The following SPMAP2L variants were observed in gnomAD, a reference collection of about 807,000 sequenced individuals.
SPMAP2L encodes the protein sperm microtubule associated protein 2 like.
the SPMAP2L span, among the ~76,000 whole-genome samples, chr4:56,556,725 T>C: frequency 5.3e-5 from 8 of 151,834 alleles, no homozygotes; most frequent in East Asian, 1.6e-3. Flanking sequence ...TACAAAAAAT[T>C]AGCCAGGCGT....
chr4:56,574,517 C>T, the SPMAP2L span, among the ~76,000 whole-genome samples: 13 of 152,150 alleles, frequency 8.5e-5, no homozygotes, highest in Non-Finnish European at 1.6e-4. Context: ...CTGTGCACAT[C>T]ATCAAGTAGA....
chr4:56,567,165 G>A, the SPMAP2L span, among the ~76,000 whole-genome samples: 148 of 151,888 alleles, frequency 9.7e-4, 3 homozygotes, highest in East Asian at 0.025. Context: ...TATATTTACC[G>A]GCATTCTTAC....
chr4:56,574,122 TAAG>T, the SPMAP2L span, among the ~76,000 whole-genome samples: 6 of 152,102 alleles, frequency 3.9e-5, no homozygotes, highest in African/African-American at 7.2e-5. Context: ...GCAGCGTTGT[TAAG>T]AAGAACAATG....
chr4:56,603,165 C>T, the SPMAP2L span: 1 of 1,365,226 alleles, frequency 7.3e-7, no homozygotes, highest in Non-Finnish European at 9.9e-7. Flanking sequence ...GCTACCTTCT[C>T]TGTTCATCTT....
At chr4:56,559,222 A>T in the SPMAP2L span, among the ~76,000 whole-genome samples, 1 of 150,426 alleles carries the variant, frequency 6.6e-6, no homozygotes, top group African/African-American at 2.4e-5. Flanking sequence ...AAGCACTTGA[A>T]TCCGGGAGGC....
chr4:56,599,937 C>A, the SPMAP2L span, among the ~76,000 whole-genome samples: 1 of 151,944 alleles, frequency 6.6e-6, no homozygotes, highest in African/African-American at 2.4e-5. Context: ...TAGAGAGATG[C>A]AAATCAAAAC....
the SPMAP2L span, chr4:56,530,877 A>G: frequency 6.5e-7 from 1 of 1,534,826 alleles, no homozygotes; most frequent in Non-Finnish European, 8.7e-7. Context: ...TCAGGGAGCA[A>G]GACCAGAGAG....
the SPMAP2L span, among the ~76,000 whole-genome samples, chr4:56,578,515 T>C: frequency 2.0e-5 from 3 of 152,094 alleles, no homozygotes; most frequent in Non-Finnish European, 4.4e-5. Flanking sequence ...GTACATTACA[T>C]TAAATGTAAA....
the SPMAP2L span, among the ~76,000 whole-genome samples, chr4:56,557,146 G>A: frequency 6.6e-6 from 1 of 151,948 alleles, no homozygotes; most frequent in Admixed American, 6.6e-5. Flanking sequence ...CTATTCGGGA[G>A]GCTGAGGCAG....
the SPMAP2L span, among the ~76,000 whole-genome samples, chr4:56,547,344 C>A: frequency 6.6e-6 from 1 of 150,742 alleles, no homozygotes; most frequent in East Asian, 2.0e-4. Context: ...CTCCCAGGTT[C>A]AAGCAATTCT....
the SPMAP2L span, among the ~76,000 whole-genome samples, chr4:56,558,643 C>T: frequency 6.6e-6 from 1 of 152,050 alleles, no homozygotes; most frequent in Non-Finnish European, 1.5e-5. Flanking sequence ...CACACATTAC[C>T]TCAGCTTCCT....
chr4:56,571,396 G>A, the SPMAP2L span, among the ~76,000 whole-genome samples: 2 of 149,218 alleles, frequency 1.3e-5, no homozygotes, highest in Non-Finnish European at 3.0e-5. Flanking sequence ...CACTGTAACC[G>A]CAGCCTCCTG....
chr4:56,552,724 T>C, the SPMAP2L span: 1 of 675,604 alleles, frequency 1.5e-6, no homozygotes, highest in Non-Finnish European at 2.6e-6. Context: ...TGAACCAATA[T>C]TGTCACCTCA....
chr4:56,593,300 G>A, the SPMAP2L span: 1 of 1,182,038 alleles, frequency 8.5e-7, no homozygotes, highest in Non-Finnish European at 1.3e-6. Flanking sequence ...AGACACAAGA[G>A]GAGGAAATTT....
the SPMAP2L span, among the ~76,000 whole-genome samples, chr4:56,567,322 A>G: frequency 6.6e-6 from 1 of 151,440 alleles, no homozygotes; most frequent in Non-Finnish European, 1.5e-5. Context: ...GCTGGAGTAC[A>G]GTGGTACGAT....
the SPMAP2L span, among the ~76,000 whole-genome samples, chr4:56,562,147 G>A: frequency 6.6e-6 from 1 of 152,070 alleles, no homozygotes; most frequent in Non-Finnish European, 1.5e-5. Context: ...TATTACGGGG[G>A]ATATACAAGG....
At chr4:56,583,149 C>T in the SPMAP2L span, among the ~76,000 whole-genome samples, 1 of 152,054 alleles carries the variant, frequency 6.6e-6, no homozygotes, top group South Asian at 2.1e-4. Context: ...TGGTGTGTGC[C>T]TGTAATCCGA....
the SPMAP2L span, among the ~76,000 whole-genome samples, chr4:56,558,436 T>TA: frequency 6.6e-6 from 1 of 152,200 alleles, no homozygotes; most frequent in Non-Finnish European, 1.5e-5. Context: ...TTTATTTTAT[T>TA]AAAAAAATAT....
chr4:56,539,210 C>G, the SPMAP2L span, among the ~76,000 whole-genome samples: 1 of 152,176 alleles, frequency 6.6e-6, no homozygotes, highest in Non-Finnish European at 1.5e-5. Flanking sequence ...CTTTATTGAG[C>G]GCATACTATG....
Sources: allele counts gnomAD v4.1 joint callset (sites outside exome capture counted in the v4.1 genomes callset), GRCh38; gene constraint gnomAD v4.1.1; transcripts MANE v1.5; gene names NCBI Gene and HGNC (gene_info 2026-07-23, HGNC 2026-07-21).